Variants in SHISA6 observed in about 807,000 individuals in gnomAD.
The protein encoded by SHISA6 is shisa family member 6, also known as protein shisa-6.
SHISA6 carries 22 observed loss-of-function variants against 47.9 expected under a neutral mutation model. The ratio of observed to expected loss-of-function variants is 0.46; its 90% confidence interval spans 0.33 to 0.66. SHISA6 has a LOEUF of 0.66. Among genes scored for constraint, SHISA6 ranks in the 30% least tolerant of loss-of-function variants. SHISA6 has a pLI of 0.02. For synonymous variants in SHISA6, 388 were observed against 337.8 expected (o/e 1.15, Z -1.63); for missense variants, 680 against 764.6 (o/e 0.89, Z 1.30).
At chr17:11,317,717 A>AT (rs1448577427) in intron 2 of SHISA6, among the ~76,000 whole-genome samples, 1 of 149,226 alleles carries the variant, frequency 6.7e-6, no homozygotes, top group African/African-American at 2.5e-5. Context: ...TTTTGCTTTT[A>AT]TTTTTGTTTC....
intron 3 of SHISA6, among the ~76,000 whole-genome samples, chr17:11,411,806 C>T (rs1914127999): frequency 6.6e-6 from 1 of 152,158 alleles, no homozygotes; most frequent in African/African-American, 2.4e-5. Flanking sequence ...GCTGATGTGA[C>T]CTTGCAGGTG....
intron 3 of SHISA6, among the ~76,000 whole-genome samples, chr17:11,410,799 C>G (rs914695175): frequency 6.6e-6 from 1 of 152,116 alleles, no homozygotes. Flanking sequence ...AGTACCACCC[C>G]AGGCCCACTG....
At chr17:11,343,094 T>C (rs1911591983) in intron 2 of SHISA6, among the ~76,000 whole-genome samples, 1 of 152,230 alleles carries the variant, frequency 6.6e-6, no homozygotes, top group Non-Finnish European at 1.5e-5. Context: ...CTAATTCTCA[T>C]TCCAGTTCCT....
intron 3 of SHISA6, among the ~76,000 whole-genome samples, chr17:11,544,718 T>C (rs560868269): frequency 3.4e-4 from 51 of 152,200 alleles, no homozygotes; most frequent in African/African-American, 1.2e-3. Flanking sequence ...CCCAGCACTT[T>C]GGGAGGCCAA....
intron 2 of SHISA6, among the ~76,000 whole-genome samples, chr17:11,324,957 T>G (rs921445573): frequency 6.6e-6 from 1 of 152,154 alleles, no homozygotes; most frequent in Non-Finnish European, 1.5e-5. Context: ...TCATTGGTTC[T>G]GCCCCAGATC....
At chr17:11,377,968 T>A (rs1279091175) in intron 2 of SHISA6, among the ~76,000 whole-genome samples, 2 of 152,192 alleles carry the variant, frequency 1.3e-5, no homozygotes, top group African/African-American at 4.8e-5. Context: ...AAACATGTGC[T>A]AAGGTGGTTT....
chr17:11,269,282 C>A (rs1567555645), intron 2 of SHISA6, among the ~76,000 whole-genome samples: 1 of 152,248 alleles, frequency 6.6e-6, no homozygotes, highest in East Asian at 1.9e-4. Context: ...CCTCGTGACC[C>A]ACCCACCGTG....
chr17:11,456,706 C>T (rs1480624232), intron 3 of SHISA6, among the ~76,000 whole-genome samples: 2 of 150,986 alleles, frequency 1.3e-5, no homozygotes, highest in Non-Finnish European at 3.0e-5. Context: ...AGGGCTGGAC[C>T]GCCCCCCTCT....
chr17:11,364,519 C>T (rs1319131047), intron 2 of SHISA6, among the ~76,000 whole-genome samples: 1 of 152,138 alleles, frequency 6.6e-6, no homozygotes, highest in African/African-American at 2.4e-5. Flanking sequence ...AAGTATTTCA[C>T]ATAATTTTTC....
intron 3 of SHISA6, among the ~76,000 whole-genome samples, chr17:11,442,114 G>A (rs1915110208): frequency 6.6e-6 from 1 of 152,188 alleles, no homozygotes; most frequent in Non-Finnish European, 1.5e-5. Flanking sequence ...CACAGACCTG[G>A]TGCCATGCTT....
chr17:11,479,582 C>G (rs913441571), intron 3 of SHISA6, among the ~76,000 whole-genome samples: 1 of 151,506 alleles, frequency 6.6e-6, no homozygotes, highest in African/African-American at 2.4e-5. Flanking sequence ...ACTTATGTAA[C>G]AAACCTGCAT....
At chr17:11,367,804 C>T (rs1912505341) in intron 2 of SHISA6, among the ~76,000 whole-genome samples, 1 of 152,174 alleles carries the variant, frequency 6.6e-6, no homozygotes, top group Non-Finnish European at 1.5e-5. Flanking sequence ...GTATAACAGT[C>T]TGCAAATGAA....
At chr17:11,348,111 A>G (rs986270609) in intron 2 of SHISA6, among the ~76,000 whole-genome samples, 2 of 152,220 alleles carry the variant, frequency 1.3e-5, no homozygotes, top group Non-Finnish European at 2.9e-5. Context: ...AGCTGAATCA[A>G]CCAGCCTTGT....
intron 3 of SHISA6, among the ~76,000 whole-genome samples, chr17:11,464,649 A>G (rs1015587849): frequency 6.6e-6 from 1 of 152,220 alleles, no homozygotes; most frequent in African/African-American, 2.4e-5. Flanking sequence ...AATCAAGCCA[A>G]AAGAAATCCC....
chr17:11,358,162 T>A (rs1597474428), intron 2 of SHISA6, among the ~76,000 whole-genome samples: 1 of 152,158 alleles, frequency 6.6e-6, no homozygotes, highest in Non-Finnish European at 1.5e-5. Context: ...AAACTAACGC[T>A]CTGTGCCCAT....
chr17:11,479,121 C>T (rs1180158961), intron 3 of SHISA6, among the ~76,000 whole-genome samples: 1 of 151,986 alleles, frequency 6.6e-6, no homozygotes, highest in East Asian at 1.9e-4. Flanking sequence ...TATACACCTA[C>T]AGCCAATCCA....
At chr17:11,394,484 A>AC (rs1214078156) in intron 3 of SHISA6, among the ~76,000 whole-genome samples, 1 of 152,266 alleles carries the variant, frequency 6.6e-6, no homozygotes, top group Admixed American at 6.5e-5. Flanking sequence ...TGAACCTATT[A>AC]CCACTCAATC....
At chr17:11,502,042 G>A (rs1268160000) in intron 3 of SHISA6, among the ~76,000 whole-genome samples, 5 of 152,172 alleles carry the variant, frequency 3.3e-5, no homozygotes, top group Admixed American at 3.3e-4. Flanking sequence ...CAAAGAGAAA[G>A]GCTGAAATGT....
intron 3 of SHISA6, among the ~76,000 whole-genome samples, chr17:11,451,842 A>G (rs1043035734): frequency 6.6e-6 from 1 of 152,216 alleles, no homozygotes; most frequent in Non-Finnish European, 1.5e-5. Flanking sequence ...AGAGATGTTC[A>G]AGCTTTAGGA....
Sources: allele counts gnomAD v4.1 joint callset (sites outside exome capture counted in the v4.1 genomes callset), GRCh38; gene constraint gnomAD v4.1.1; transcripts MANE v1.5; gene names NCBI Gene and HGNC (gene_info 2026-07-23, HGNC 2026-07-21).